SCEL: variants seen among roughly 807,000 people sequenced by gnomAD.
SCEL encodes sciellin.
In SCEL, 113 loss-of-function variants were observed where a neutral mutation model predicts 117.6. The observed-to-expected ratio is 0.96, with a 90% CI of 0.83 to 1.12. The LOEUF (loss-of-function observed/expected upper bound fraction) is 1.12. Ranked by LOEUF, SCEL falls within the 50% of genes most tolerant of loss-of-function variation. The probability of loss-of-function intolerance (pLI) is 0.00; values close to 1 mark genes in which losing one functional copy is unlikely to be tolerated. For synonymous variants in SCEL, 270 were observed against 256.2 expected, an observed-to-expected ratio of 1.05 and a Z score of -0.51; for missense variants, 785 against 810.8, an observed-to-expected ratio of 0.97 and a Z score of 0.39.
intron 3 of SCEL, among the ~76,000 whole-genome samples, chr13:77,558,819 C>CAAAAAAAAAAAAAAAAAAAAAAAA (rs58052726): frequency 1.1e-5 from 1 of 89,740 alleles, no homozygotes; most frequent in Non-Finnish European, 2.0e-5. Flanking sequence ...CTCTGTCTTA[C>CAAAAAAAAAAAAAAAAAAAAAAAA]AAAAAAAAAA....
intron 22 of SCEL, among the ~76,000 whole-genome samples, chr13:77,611,682 AT>A (rs1400146218): frequency 6.6e-6 from 1 of 152,068 alleles, no homozygotes; most frequent in Non-Finnish European, 1.5e-5. Context: ...TGGTAGTGAG[AT>A]TTTTTACTTC....
chr13:77,639,565 G>T (rs1392241658), intron 30 of SCEL, among the ~76,000 whole-genome samples: 1 of 152,188 alleles, frequency 6.6e-6, no homozygotes. Flanking sequence ...TGGACTCATT[G>T]TGTTGGTACC....
intron 9 of SCEL, 23 bp from the exon 10 acceptor site, chr13:77,589,121 A>G (rs748147608): frequency 6.4e-7 from 1 of 1,552,212 alleles, no homozygotes; most frequent in Non-Finnish European, 8.9e-7. Flanking sequence ...TGGTGAAATG[A>G]ACTGCTGTTT....
chr13:77,539,606 C>T (rs9544531), intron 1 of SCEL, among the ~76,000 whole-genome samples: 12,995 of 151,786 alleles, frequency 0.086, 634 homozygotes, highest in South Asian at 0.15. Context: ...GGCTCTATCT[C>T]GGCTCACTGC....
intron 31 of SCEL, among the ~76,000 whole-genome samples, chr13:77,642,233 A>T (rs1431102075): frequency 6.6e-6 from 1 of 152,204 alleles, no homozygotes; most frequent in East Asian, 1.9e-4. Context: ...CCAATTAATC[A>T]ATGACAGTTT....
intron 3 of SCEL, among the ~76,000 whole-genome samples, chr13:77,557,593 T>G (rs540047264): frequency 6.6e-6 from 1 of 152,230 alleles, no homozygotes; most frequent in South Asian, 2.1e-4. Flanking sequence ...AGTGGTAGAG[T>G]TGAGATTTTA....
chr13:77,560,786 A>G (rs937789755), intron 4 of SCEL, among the ~76,000 whole-genome samples: 1 of 152,180 alleles, frequency 6.6e-6, no homozygotes, highest in African/African-American at 2.4e-5. Flanking sequence ...ATCAGACACA[A>G]ATTTTATCTG....
chr13:77,582,366 A>G (rs1249351353), intron 9 of SCEL, among the ~76,000 whole-genome samples: 1 of 152,018 alleles, frequency 6.6e-6, no homozygotes. Flanking sequence ...AGCTGGGACT[A>G]CAGGTGCGTG....
In SCEL at chr13:77,617,565, A is replaced by G. The variant is rs1249922427; in HGVS notation, c.1452-34A>G. On this transcript the variant is annotated intron_variant, in intron 24 of 32. Coordinates refer to ENST00000349847, the MANE Select transcript of SCEL (RefSeq NM_144777.3). ...TACCTTAAACCTGTGATTATCTCTAACCCAAGTTGCTTTAATATTTTTTCC... is the reference window on the plus strand; with the variant it reads ...TACCTTAAACCTGTGATTATCTCTAGCCCAAGTTGCTTTAATATTTTTTCC... 5.4e-6 allele frequency: 7 copies of G among 1,304,608 alleles called. 1 individual carries two copies. The South Asian group carries it at 8.9e-5, about 16-fold the overall frequency. 80.8% of individuals were successfully genotyped at this position (1,304,608 alleles called of 1,614,324 possible). A position where few individuals can be genotyped will look rare whatever the true frequency, so the allele number is the denominator to read the frequency against.
chr13:77,613,598 T>C (rs1488060356), intron 23 of SCEL, among the ~76,000 whole-genome samples: 1 of 151,906 alleles, frequency 6.6e-6, no homozygotes, highest in Non-Finnish European at 1.5e-5. Flanking sequence ...GTTGCTGTGG[T>C]TGGAATTTTG....
At chr13:77,604,992 GTATT>G (rs1377119329) in intron 19 of SCEL, among the ~76,000 whole-genome samples, 2 of 152,058 alleles carry the variant, frequency 1.3e-5, no homozygotes, top group Admixed American at 6.6e-5. Flanking sequence ...AGTGTGGTGT[GTATT>G]TAAAGATGAA....
In SCEL at chr13:77,569,439, T is replaced by A. The variant is rs890108012; in HGVS notation, c.467T>A (p.Val156Glu). 1.2e-6 allele frequency: 2 copies of A among 1,613,034 alleles called. No homozygotes were observed. The highest frequency in any genetic ancestry group is 1.7e-6 in the Non-Finnish European group (2 of 1,179,042). Residue 156 changes from valine (V) to glutamate (E), a missense_variant, in exon 8 of 33, where the codon GTA becomes GAA. Coordinates refer to ENST00000349847, the MANE Select transcript of SCEL (RefSeq NM_144777.3). ...GCATCCACTTCTGCTACTACTCCTG[T>A]AAAGAAGAAGAGGTAGGATGAACTC... Reference protein sequence around the residue: ...TIASTSATTPVKKKRQSWFPP... With the variant: ...TIASTSATTPEKKKRQSWFPP...
At chr13:77,543,633 C>T (rs1379214074) in intron 1 of SCEL, among the ~76,000 whole-genome samples, 1 of 152,236 alleles carries the variant, frequency 6.6e-6, no homozygotes, top group South Asian at 2.1e-4. Context: ...TCCATTGTTG[C>T]CATCTTTATG....
intron 9 of SCEL, among the ~76,000 whole-genome samples, chr13:77,588,126 T>A (rs1395447323): frequency 6.6e-6 from 1 of 152,196 alleles, no homozygotes; most frequent in African/African-American, 2.4e-5. Flanking sequence ...TATTTGTATA[T>A]TGAAAGCCTT....
intron 9 of SCEL, among the ~76,000 whole-genome samples, chr13:77,586,652 G>C (rs535299886): frequency 1.7e-4 from 26 of 152,224 alleles, no homozygotes; most frequent in South Asian, 1.5e-3. Flanking sequence ...CCAACCAGTT[G>C]AATATGGCAA....
intron 3 of SCEL, among the ~76,000 whole-genome samples, chr13:77,557,777 C>T (rs747028243): frequency 2.6e-5 from 4 of 152,152 alleles, no homozygotes; most frequent in Non-Finnish European, 4.4e-5. Flanking sequence ...AATCACGGGA[C>T]AGCTCCCATA....
intron 18 of SCEL, 48 bp downstream of exon 18, chr13:77,603,183 C>A: frequency 4.2e-6 from 5 of 1,195,658 alleles, no homozygotes; most frequent in East Asian, 2.4e-5. Flanking sequence ...AAGTGTCAAT[C>A]AGAAGATAAA....
chr13:77,568,146 T>A (rs1245942300), intron 6 of SCEL, 149 bp from the exon 7 acceptor site: 1 of 610,408 alleles, frequency 1.6e-6, no homozygotes, highest in Non-Finnish European at 2.8e-6. Flanking sequence ...CATGAAATCA[T>A]CTTATGAAAT....
At chr13:77,555,621 T>C (rs1209651932) in intron 1 of SCEL, among the ~76,000 whole-genome samples, 1 of 152,258 alleles carries the variant, frequency 6.6e-6, no homozygotes, top group East Asian at 1.9e-4. Context: ...CGATTGCTTA[T>C]GATACAACAC....
Sources: allele counts gnomAD v4.1 joint callset (sites outside exome capture counted in the v4.1 genomes callset), GRCh38; gene constraint gnomAD v4.1.1; transcripts MANE v1.5; gene names NCBI Gene and HGNC (gene_info 2026-07-23, HGNC 2026-07-21).